ARHGEF18: variants seen among roughly 807,000 people sequenced by gnomAD.
ARHGEF18 encodes rho guanine nucleotide exchange factor 18.
A neutral mutation model predicts 155.7 loss-of-function variants in ARHGEF18; 93 were observed. The ratio of observed to expected loss-of-function variants is 0.60; its 90% confidence interval spans 0.50 to 0.71. The LOEUF is 0.71. Ranked by LOEUF, ARHGEF18 falls within the 30% of genes least tolerant of loss-of-function variation. The probability of loss-of-function intolerance (pLI) is 0.00; values close to 1 mark genes in which losing one functional copy is unlikely to be tolerated. For synonymous variants in ARHGEF18, 742 were observed against 753.1 expected (o/e 0.99, Z 0.24); for missense variants, 1,593 against 1,816.1 (o/e 0.88, Z 2.23).
At chr19:7,472,792 C>T (rs1208007145), downstream of ARHGEF18, 9 of 346,586 alleles carry the variant, frequency 2.6e-5, no homozygotes, top group African/African-American at 8.8e-5. Flanking sequence ...CTCTGCCTCC[C>T]GGGTTCAAGC....
At chr19:7,375,441 A>AAAAG (rs1011719978) in intron 3 of ARHGEF18, among the ~76,000 whole-genome samples, 1 of 149,952 alleles carries the variant, frequency 6.7e-6, no homozygotes, top group East Asian at 1.9e-4. Context: ...GGAAGAAAAG[A>AAAAG]AAAGAAAGAA....
chr19:7,479,883 G>A, the ARHGEF18 span, among the ~76,000 whole-genome samples: 1 of 152,198 alleles, frequency 6.6e-6, no homozygotes, highest in Non-Finnish European at 1.5e-5. Flanking sequence ...GATGCTGCCA[G>A]TAGTCGGGGA....
rs528442905 is a variant in ARHGEF18, at chr19:7,381,382, G to A, written c.722+388G>A. Among the ~76,000 whole-genome samples the A allele has an allele frequency of 2.7e-3, 410 of 152,220 alleles. 2 individuals are homozygous for A. The highest frequency in any genetic ancestry group is 9.3e-3 in the African/African-American group (388 of 41,548). On this transcript the variant is annotated intron_variant, in intron 8 of 28. Coordinates refer to ENST00000668164, the MANE Select transcript of ARHGEF18 (RefSeq NM_001367823.1). The stretch of plus-strand genomic sequence containing the variant: ...ACACAAAGGCGCTCACACTTTATCC[G>A]AAACAGCAGTGGGGCTTGGGTGCGG...
At chr19:7,401,870 C>T (rs772040252) in intron 10 of ARHGEF18, among the ~76,000 whole-genome samples, 21 of 152,062 alleles carry the variant, frequency 1.4e-4, no homozygotes, top group East Asian at 1.9e-4. Context: ...AATGTGGTCC[C>T]GCCATACTGT....
In ARHGEF18 at chr19:7,402,133, A is replaced by T. The variant is rs2432102; in HGVS notation, c.967+18930A>T. On this transcript the variant is annotated intron_variant, in intron 10 of 28. Coordinates refer to ENST00000668164, the MANE Select transcript of ARHGEF18 (RefSeq NM_001367823.1). ...AGGTGATGAAGGCATTCTAAAATTG[A>T]CTGTAGGCTGGGCGCAGTGGCTCAT... 4.2e-3 allele frequency among the ~76,000 whole-genome samples: 641 copies of T among 152,110 alleles called. 37 individuals carry two copies. The East Asian group carries it at 0.11, about 25-fold the overall frequency.
At chr19:7,406,787 G>A (rs1972333705) in intron 10 of ARHGEF18, among the ~76,000 whole-genome samples, 1 of 152,138 alleles carries the variant, frequency 6.6e-6, no homozygotes, top group Non-Finnish European at 1.5e-5. Flanking sequence ...TGGCACAGTG[G>A]CTCACGCCTG....
At chr19:7,456,271 C>CA in intron 17 of ARHGEF18, 56 bp from the exon 18 acceptor site, 1 of 1,545,666 alleles carries the variant, frequency 6.5e-7, no homozygotes, top group Admixed American at 1.7e-5. Flanking sequence ...GGGTGGCCAG[C>CA]AAGACCTCCT....
At chr19:7,394,562 G>A (rs1008623992) in intron 10 of ARHGEF18, among the ~76,000 whole-genome samples, 1 of 151,160 alleles carries the variant, frequency 6.6e-6, no homozygotes, top group African/African-American at 2.4e-5. Context: ...CCTTAACCCC[G>A]CTATCCTCCC....
At chr19:7,351,902 C>G (rs1969167337) in intron 1 of ARHGEF18, among the ~76,000 whole-genome samples, 1 of 151,588 alleles carries the variant, frequency 6.6e-6, no homozygotes, top group African/African-American at 2.4e-5. Context: ...ACCATGTTAC[C>G]CAGGCTGGTC....
intron 10 of ARHGEF18, among the ~76,000 whole-genome samples, chr19:7,404,643 A>G (rs1972203187): frequency 6.6e-6 from 1 of 151,580 alleles, no homozygotes; most frequent in South Asian, 2.1e-4. Context: ...TATTTTTAGT[A>G]GAGATGGGGT....
chr19:7,450,523 G>A (rs932934594), intron 15 of ARHGEF18, among the ~76,000 whole-genome samples: 4 of 151,468 alleles, frequency 2.6e-5, no homozygotes, highest in Admixed American at 6.6e-5. Flanking sequence ...GTCCATTTCC[G>A]AGATGTTAAT....
At chr19:7,475,525 A>AACACACAC (rs145950630), downstream of ARHGEF18, among the ~76,000 whole-genome samples, 132 of 150,454 alleles carry the variant, frequency 8.8e-4, no homozygotes, top group Middle Eastern at 3.5e-3. Flanking sequence ...AAACTGTTTA[A>AACACACAC]ACACACACAC....
chr19:7,465,232 A>T (rs556591288), intron 23 of ARHGEF18, among the ~76,000 whole-genome samples: 40 of 152,100 alleles, frequency 2.6e-4, no homozygotes, highest in Non-Finnish European at 4.9e-4. Flanking sequence ...TTTTCCAAAC[A>T]CCCAGATTTG....
At position 7,453,515 on chromosome 19, in the gene ARHGEF18, A is replaced by G. The variant is rs201963103; in HGVS notation, c.1904A>G (p.Lys635Arg). The G allele has an allele frequency of 1.2e-4, 201 of 1,613,624 alleles. No individual in the cohort carries two copies. Among genetic ancestry groups the G allele is most frequent in the Non-Finnish European group, 1.4e-4 (171 of 1,179,710 alleles). The stretch of plus-strand genomic sequence containing the variant: ...CTGACCCAGGCCTTGAACCTCATCA[A>G]AGATATCATCTCACAAGTGGACGCC... ...EDLTQALNLI[K>R]DIISQVDAKV... The change falls in exon 17 of 29, where the codon AAA becomes AGA. Residue 635 changes from lysine (K) to arginine (R), a missense_variant. Physicochemically the swap from Lys to Arg is conservative, Grantham distance 26 (BLOSUM62 2). Transcript: ENST00000668164.
rs529535428 is a variant in ARHGEF18 at position 7,437,685 on chromosome 19, T to A, written c.968-2659T>A. 1.3e-4 allele frequency among the ~76,000 whole-genome samples: 20 copies of A among 151,022 alleles called. No individual in the cohort carries two copies. In the East Asian group the frequency reaches 4.0e-3, roughly 30 times the overall value. On this transcript the variant is annotated intron_variant, in intron 10 of 28. Coordinates refer to ENST00000668164, the MANE Select transcript of ARHGEF18 (RefSeq NM_001367823.1). The stretch of plus-strand genomic sequence containing the variant: ...GTGAGATGGAGTCTCACTTTGTTGT[T>A]CAGGCTGGAGTGCGGTGGCATGATG...
chr19:7,468,769 C>T lies in ARHGEF18; in HGVS notation c.3481-56C>T, dbSNP rs1403696351. 4.8e-6 allele frequency: 7 copies of T among 1,473,658 alleles called. No homozygotes were observed. In the African/African-American group the frequency reaches 5.6e-5, roughly 12 times the overall value. 91.3% of individuals were successfully genotyped at this position (1,473,658 alleles called of 1,614,324 possible). A position where few individuals can be genotyped will look rare whatever the true frequency, so the allele number is the denominator to read the frequency against. On this transcript the variant is annotated intron_variant, in intron 26 of 28. Coordinates refer to ENST00000668164, the MANE Select transcript of ARHGEF18 (RefSeq NM_001367823.1). ...CCTGTGCACGACCCTCGGGGGCTCT[C>T]CAGAGGCCGCACAGCAGGAACCTCA...
At position 7,373,289 on chromosome 19, in the gene ARHGEF18, C is replaced by T. The variant is rs545923376; in HGVS notation, c.275+218C>T. Among the ~76,000 whole-genome samples the T allele has an allele frequency of 1.3e-4, 20 of 152,268 alleles. No individual in the cohort carries two copies. The South Asian group carries it at 1.5e-3, about 11-fold the overall frequency. ...GACAATTCAAGCACATTCCATTTAT[C>T]GTGCACTTTATTTATATTACGTTGT... On this transcript the variant is annotated intron_variant, in intron 3 of 28. Coordinates refer to ENST00000668164, the MANE Select transcript of ARHGEF18 (RefSeq NM_001367823.1).
At chr19:7,389,238 C>T (rs905917975) in intron 10 of ARHGEF18, among the ~76,000 whole-genome samples, 23 of 151,592 alleles carry the variant, frequency 1.5e-4, no homozygotes, top group Admixed American at 1.5e-3. Flanking sequence ...ACAACCTCTG[C>T]CTCCTGGGCT....
chr19:7,377,566 T>C (rs2145423112), intron 5 of ARHGEF18, among the ~76,000 whole-genome samples: 1 of 151,350 alleles, frequency 6.6e-6, no homozygotes, highest in African/African-American at 2.4e-5. Flanking sequence ...GGTGAATAAC[T>C]TGAGCCCAGG....
Sources: gnomAD v4.1 joint callset for allele counts (sites outside exome capture counted in the v4.1 genomes callset) on GRCh38, gnomAD v4.1.1 for gene constraint, MANE v1.5 for transcripts, NCBI Gene and HGNC (gene_info 2026-07-23, HGNC 2026-07-21) for gene names.